ERGIC1: variants seen among roughly 807,000 people sequenced by gnomAD.
The protein encoded by ERGIC1 is endoplasmic reticulum-Golgi intermediate compartment protein 1.
A neutral mutation model predicts 38.3 loss-of-function variants in ERGIC1; 19 were observed. The ratio of observed to expected loss-of-function variants is 0.50; its 90% CI spans 0.35 to 0.73. ERGIC1 has a LOEUF of 0.73. Ranked by LOEUF, ERGIC1 falls within the 30% of genes least tolerant of loss-of-function variation. The pLI is 0.01. For missense variants in ERGIC1, 294 were observed against 389.2 expected (o/e 0.76, Z 2.06); for synonymous variants, 124 against 157.6 (o/e 0.79, Z 1.60).
chr5:172,893,899 A>G (rs370841110), intron 2 of ERGIC1, among the ~76,000 whole-genome samples: 1,258 of 12,904 alleles, frequency 0.097, 49 homozygotes, highest in Non-Finnish European at 0.22. Context: ...ATATATATAT[A>G]TATATATGTG....
intron 5 of ERGIC1, 24 bp downstream of exon 5, chr5:172,914,862 T>A (rs530466637): frequency 6.2e-7 from 1 of 1,613,934 alleles, no homozygotes; most frequent in East Asian, 2.2e-5. Context: ...GCCTCAGCCC[T>A]TTCTACCTGC....
At chr5:172,888,922 ACT>A (rs368148993) in intron 2 of ERGIC1, among the ~76,000 whole-genome samples, 162 bp downstream of exon 2, 1 of 152,038 alleles carries the variant, frequency 6.6e-6, no homozygotes, top group African/African-American at 2.4e-5. Context: ...TTCCTCACTT[ACT>A]CTCTATCCTC....
chr5:172,865,680 G>A (rs1761839879), intron 1 of ERGIC1, among the ~76,000 whole-genome samples: 1 of 152,156 alleles, frequency 6.6e-6, no homozygotes, highest in South Asian at 2.1e-4. Context: ...CTTTAGTCTT[G>A]CCTGTTCTTC....
At chr5:172,922,429 A>T (rs973242317) in intron 5 of ERGIC1, 2 of 152,574 alleles carry the variant, frequency 1.3e-5, no homozygotes, top group Admixed American at 1.3e-4. Context: ...CGAGAACAGG[A>T]TGGGTATGAG....
chr5:172,883,665 T>C (rs368205474), intron 1 of ERGIC1, among the ~76,000 whole-genome samples: 106 of 152,296 alleles, frequency 7.0e-4, no homozygotes, highest in African/African-American at 2.4e-3. Context: ...ATGCTTCCGG[T>C]GCCCACTGTC....
intron 1 of ERGIC1, among the ~76,000 whole-genome samples, chr5:172,881,541 T>G (rs748886410): frequency 1.3e-5 from 2 of 152,220 alleles, no homozygotes; most frequent in Non-Finnish European, 2.9e-5. Flanking sequence ...TCTTAAATAA[T>G]AAATATTTAT....
intron 3 of ERGIC1, among the ~76,000 whole-genome samples, chr5:172,902,826 A>G (rs1762919107): frequency 1.3e-5 from 2 of 151,750 alleles, no homozygotes; most frequent in Non-Finnish European, 2.9e-5. Context: ...TCAAATTTTG[A>G]AGCATAGAGG....
chr5:172,941,689 T>C (rs914647269), intron 9 of ERGIC1, among the ~76,000 whole-genome samples: 5 of 152,202 alleles, frequency 3.3e-5, no homozygotes, highest in Non-Finnish European at 7.3e-5. Flanking sequence ...GAAGAACTAT[T>C]AGAGCAGGAA....
chr5:172,873,467 A>G (rs9313611), intron 1 of ERGIC1, among the ~76,000 whole-genome samples: 56,837 of 152,148 alleles, frequency 0.37, 10,706 homozygotes, highest in East Asian at 0.46. Context: ...CCTCCAGGTG[A>G]CACAGCACCA....
chr5:172,945,008 A>G (rs1166190811), intron 9 of ERGIC1, among the ~76,000 whole-genome samples: 1 of 152,082 alleles, frequency 6.6e-6, no homozygotes, highest in East Asian at 1.9e-4. Flanking sequence ...GAACCCACCC[A>G]TTGGCTCCTC....
At chr5:172,930,883 T>G (rs2113465434) in intron 7 of ERGIC1, among the ~76,000 whole-genome samples, 2 of 152,346 alleles carry the variant, frequency 1.3e-5, no homozygotes, top group Middle Eastern at 6.8e-3. Context: ...TTCTGACATC[T>G]GAGAACCATT....
In ERGIC1 at chr5:172,889,374, G is replaced by C. The variant is rs79132414; in HGVS notation, c.82+614G>C. Among the ~76,000 whole-genome samples the C allele has an allele frequency of 1.7e-3, 264 of 151,916 alleles. 1 individual carries two copies. The highest frequency in any genetic ancestry group is 6.0e-3 in the African/African-American group (249 of 41,432). On this transcript the variant is annotated intron_variant, in intron 2 of 9. Coordinates refer to ENST00000393784, the MANE Select transcript of ERGIC1 (RefSeq NM_001031711.3). ...TCTCTTTATACCTTAAAAATGATTT[G>C]AGTTTTCCACCAAAGCATGTTTTTA...
chr5:172,905,582 G>A, intron 3 of ERGIC1: 1 of 386,230 alleles, frequency 2.6e-6, no homozygotes, highest in South Asian at 1.8e-5. Context: ...TAGCCACGCA[G>A]GAACAATGGC....
chr5:172,908,380 C>T (rs1020942437), intron 3 of ERGIC1, among the ~76,000 whole-genome samples: 21 of 119,626 alleles, frequency 1.8e-4, no homozygotes, highest in African/African-American at 6.3e-4. Context: ...AGTTCGGGAC[C>T]AGCCTTGCCA....
chr5:172,893,895 A>ATGTGTG (rs1419709086), intron 2 of ERGIC1, among the ~76,000 whole-genome samples: 17 of 17,890 alleles, frequency 9.5e-4, no homozygotes, highest in African/African-American at 1.6e-3. Flanking sequence ...ATATATATAT[A>ATGTGTG]TATATATATA....
intron 1 of ERGIC1, among the ~76,000 whole-genome samples, chr5:172,873,213 G>A (rs1233954432): frequency 6.6e-6 from 1 of 152,230 alleles, no homozygotes; most frequent in East Asian, 1.9e-4. Context: ...CACACAGGAT[G>A]TTGTTCTATC....
In ERGIC1 at chr5:172,839,000, G is replaced by T. The variant is rs967167779; in HGVS notation, c.20+4567G>T. 2.0e-5 allele frequency among the ~76,000 whole-genome samples: 3 copies of T among 152,046 alleles called. No individual in the cohort carries two copies. In the South Asian group the frequency reaches 6.2e-4, roughly 31 times the overall value. ...TCATGCCTGTAATCCCAGCACTTTG[G>T]GAGGCTGAGGTGGGCGGATTACCTG... On this transcript the variant is annotated intron_variant, in intron 1 of 9. Transcript: ENST00000393784.
chr5:172,925,653 C>T (rs1049830668), intron 6 of ERGIC1, among the ~76,000 whole-genome samples: 2 of 152,150 alleles, frequency 1.3e-5, no homozygotes, highest in Non-Finnish European at 2.9e-5. Flanking sequence ...CTGGGGGCCA[C>T]GTGGGCCTGT....
At chr5:172,886,020 C>G (rs748466657) in intron 1 of ERGIC1, among the ~76,000 whole-genome samples, 1 of 152,104 alleles carries the variant, frequency 6.6e-6, no homozygotes, top group East Asian at 1.9e-4. Flanking sequence ...AGCTGGGGCT[C>G]GGTGATGGCC....
Sources: gnomAD v4.1 joint callset for allele counts (sites outside exome capture counted in the v4.1 genomes callset) on GRCh38, gnomAD v4.1.1 for gene constraint, MANE v1.5 for transcripts, NCBI Gene and HGNC (gene_info 2026-07-23, HGNC 2026-07-21) for gene names.